The following NELL1 variants were observed in gnomAD, a reference collection of about 807,000 sequenced individuals.
The protein encoded by NELL1 is protein kinase C-binding protein NELL1.
Under a neutral mutation model 107.4 loss-of-function variants are expected in NELL1, and 76 were observed. The ratio of observed to expected loss-of-function variants is 0.71; its 90% CI spans 0.59 to 0.86. NELL1 has a LOEUF of 0.86. NELL1 is among the 40% of genes least tolerant of loss of function. NELL1 has a pLI of 0.00. For synonymous variants in NELL1, 353 were observed against 341.2 expected (o/e 1.03, Z -0.38); for missense variants, 1,024 against 1,005.5 (o/e 1.02, Z -0.25).
chr11:21,066,506 G>A (rs1441208348), intron 12 of NELL1, among the ~76,000 whole-genome samples: 8 of 152,212 alleles, frequency 5.3e-5, no homozygotes, highest in Admixed American at 2.6e-4. Context: ...CTTTCTCTGC[G>A]TACTTTGGGC....
Position 21,205,500 on chromosome 11 carries a change from C to T in NELL1, c.1427-23832C>T, listed in dbSNP as rs189136479. Among the ~76,000 whole-genome samples the T allele has an allele frequency of 2.7e-3, 408 of 152,288 alleles. 4 individuals carry two copies. The highest frequency in any genetic ancestry group is 2.8e-3 in the Non-Finnish European group (190 of 68,028). On this transcript the variant is annotated intron_variant, in intron 13 of 19. Coordinates refer to ENST00000357134, the MANE Select transcript of NELL1 (RefSeq NM_006157.5). ...AAGCTTGAGCATCCCAGGTGGACTT[C>T]AGACCGCCGTGCTGGCAGCGAGAAT...
intron 2 of NELL1, among the ~76,000 whole-genome samples, chr11:20,691,161 T>A (rs1854455087): frequency 6.6e-6 from 1 of 152,118 alleles, no homozygotes; most frequent in Non-Finnish European, 1.5e-5. Flanking sequence ...TGAAGTTGCT[T>A]ATCAGCTTAA....
At chr11:21,427,429 G>C (rs1003451012) in intron 15 of NELL1, among the ~76,000 whole-genome samples, 1 of 152,128 alleles carries the variant, frequency 6.6e-6, no homozygotes, top group East Asian at 1.9e-4. Flanking sequence ...TTTTTACAGC[G>C]AACTTCAACT....
chr11:21,379,779 C>A (rs1279288171), intron 15 of NELL1, among the ~76,000 whole-genome samples: 4 of 151,968 alleles, frequency 2.6e-5, no homozygotes, highest in Admixed American at 2.0e-4. Flanking sequence ...AATAGTTTGC[C>A]TGAAGTATAT....
chr11:21,373,336 A>G (rs984517020), intron 15 of NELL1, among the ~76,000 whole-genome samples: 3 of 152,092 alleles, frequency 2.0e-5, no homozygotes, highest in Non-Finnish European at 2.9e-5. Flanking sequence ...AAATAAGTCT[A>G]TTTGCCTTCA....
Position 21,087,041 on chromosome 11 carries a change from G to A in NELL1, c.1301-26548G>A, listed in dbSNP as rs181187822. 6.7e-3 allele frequency among the ~76,000 whole-genome samples: 1,021 copies of A among 152,088 alleles called. 17 individuals carry two copies. Among genetic ancestry groups the A allele is most frequent in the African/African-American group, 0.023 (935 of 41,490 alleles). ...TTTTTAGTAGAGACAGGGTTTCACC[G>A]TGTTAGCCAGGATGGTCTCGATCTC... is the stretch of plus-strand genomic sequence containing the variant. On this transcript the variant is annotated intron_variant, in intron 12 of 19. Transcript: ENST00000357134.
intron 12 of NELL1, among the ~76,000 whole-genome samples, chr11:21,021,012 AACAC>A (rs56813080): frequency 2.2e-3 from 313 of 140,290 alleles, no homozygotes; most frequent in African/African-American, 4.1e-3. Flanking sequence ...AGAAACTTAG[AACAC>A]ACACACACAC....
intron 13 of NELL1, among the ~76,000 whole-genome samples, chr11:21,148,503 A>T (rs1856037394): frequency 6.6e-6 from 1 of 152,212 alleles, no homozygotes; most frequent in Admixed American, 6.5e-5. Context: ...TTTGAAGTCA[A>T]GCTGCCTCTG....
chr11:20,940,812 T>A (rs186226470), intron 10 of NELL1, among the ~76,000 whole-genome samples: 1 of 152,320 alleles, frequency 6.6e-6, no homozygotes, highest in African/African-American at 2.4e-5. Context: ...GCTGTCATAA[T>A]AAGACTTTGT....
intron 14 of NELL1, among the ~76,000 whole-genome samples, chr11:21,286,825 T>A (rs537573260): frequency 6.6e-6 from 1 of 152,342 alleles, no homozygotes; most frequent in South Asian, 2.1e-4. Flanking sequence ...TTCCTTGTCC[T>A]TTGTAGTCTG....
intron 2 of NELL1, among the ~76,000 whole-genome samples, chr11:20,708,140 T>C (rs2853016): frequency 0.31 from 46,592 of 152,248 alleles, 9,957 homozygotes; most frequent in African/African-American, 0.61. Context: ...TGGGACTCTC[T>C]GAACCAGGCA....
intron 16 of NELL1, among the ~76,000 whole-genome samples, chr11:21,548,505 G>A (rs1564954253): frequency 2.0e-5 from 3 of 151,868 alleles, no homozygotes; most frequent in Admixed American, 6.6e-5. Flanking sequence ...GAATGAGAGA[G>A]AAGTGAAAGC....
At chr11:21,072,170 G>A (rs187335744) in intron 12 of NELL1, among the ~76,000 whole-genome samples, 2 of 152,260 alleles carry the variant, frequency 1.3e-5, no homozygotes, top group East Asian at 3.9e-4. Flanking sequence ...TTCTAATGTG[G>A]CAGGTGAACT....
chr11:21,105,923 C>T (rs1254550220), intron 12 of NELL1, among the ~76,000 whole-genome samples: 27 of 117,472 alleles, frequency 2.3e-4, no homozygotes, highest in African/African-American at 8.6e-4. Flanking sequence ...TTCCCTCCCT[C>T]ATTCCCTCCC....
At chr11:20,898,822 A>T (rs1166560301) in intron 5 of NELL1, among the ~76,000 whole-genome samples, 1 of 152,086 alleles carries the variant, frequency 6.6e-6, no homozygotes, top group African/African-American at 2.4e-5. Flanking sequence ...CAAGTAAATA[A>T]TATTTGCTTT....
Position 21,310,638 on chromosome 11 carries a change from C to T in NELL1, c.1550-60215C>T, listed in dbSNP as rs1590825870. On this transcript the variant is annotated intron_variant, in intron 14 of 19. Coordinates refer to ENST00000357134, the MANE Select transcript of NELL1 (RefSeq NM_006157.5). Reference sequence around the variant, plus strand: ...AAGGTATCAAAATTTGCTGACATTCCTTTTGATCATCTGTGAGGTTGATGT... The same window carrying T: ...AAGGTATCAAAATTTGCTGACATTCTTTTTGATCATCTGTGAGGTTGATGT... Among the ~76,000 whole-genome samples the T allele has an allele frequency of 3.3e-5, 5 of 152,058 alleles. No individual in the cohort carries two copies. In the South Asian group the frequency reaches 1.0e-3, roughly 32 times the overall value.
chr11:21,526,181 C>T (rs987297391), intron 15 of NELL1, among the ~76,000 whole-genome samples: 4 of 152,174 alleles, frequency 2.6e-5, no homozygotes. Flanking sequence ...AACAAAGAGA[C>T]TACAGGCCCC....
intron 15 of NELL1, among the ~76,000 whole-genome samples, chr11:21,437,969 G>T (rs1020567009): frequency 3.9e-5 from 6 of 152,228 alleles, no homozygotes; most frequent in Middle Eastern, 3.4e-3. Flanking sequence ...TGTATGTTTT[G>T]TTGCTTTATC....
chr11:20,859,403 G>T (rs2134071553), intron 4 of NELL1, among the ~76,000 whole-genome samples: 1 of 152,310 alleles, frequency 6.6e-6, no homozygotes, highest in Non-Finnish European at 1.5e-5. Context: ...ACACTACAGA[G>T]ATACGGCCCA....
Sources: allele counts gnomAD v4.1 joint callset (sites outside exome capture counted in the v4.1 genomes callset), GRCh38; gene constraint gnomAD v4.1.1; transcripts MANE v1.5; gene names NCBI Gene and HGNC (gene_info 2026-07-23, HGNC 2026-07-21).